RABGAP1: variants seen among roughly 807,000 people sequenced by gnomAD.
RABGAP1 encodes rab GTPase-activating protein 1.
RABGAP1 carries 23 observed loss-of-function variants against 137.6 expected under a neutral mutation model. That is an observed-to-expected ratio of 0.17 (90% CI 0.12 to 0.24). The LOEUF is 0.24. RABGAP1 is among the 10% of genes least tolerant of loss of function. RABGAP1 has a pLI of 1.00. For missense variants in RABGAP1, 906 were observed against 1,275.8 expected, an observed-to-expected ratio of 0.71 and a Z score of 4.42; for synonymous variants, 451 against 450.7, an observed-to-expected ratio of 1.00 and a Z score of -0.01.
In RABGAP1 at chr9:122,941,053, A is replaced by G. The variant is rs1833517819; in HGVS notation, c.-90A>G. ...AGGCCCAGGCGGCGGAGCCTCCGGG[A>G]CGGCGAGCGGCGGGCGGCGGAGGAG... On this transcript the variant is annotated 5_prime_UTR_variant, in exon 1 of 26. Coordinates refer to ENST00000373647, the MANE Select transcript of RABGAP1 (RefSeq NM_012197.4). 6.5e-6 allele frequency: 1 copy of G among 153,084 alleles called. No homozygotes were observed. The highest frequency in any genetic ancestry group is 2.4e-5 in the African/African-American group (1 of 41,380). 9.5% of individuals were successfully genotyped at this position (153,084 alleles called of 1,614,324 possible). A position where few individuals can be genotyped will look rare whatever the true frequency, so the allele number is the denominator to read the frequency against.
intron 24 of RABGAP1, among the ~76,000 whole-genome samples, chr9:123,100,437 G>A (rs930525132): frequency 7.8e-6 from 1 of 128,786 alleles, no homozygotes; most frequent in African/African-American, 2.8e-5. Context: ...GTGTGTGTGT[G>A]TTTGAGACAG....
chr9:123,026,732 A>G (rs1467285921), intron 13 of RABGAP1, among the ~76,000 whole-genome samples: 4 of 152,194 alleles, frequency 2.6e-5, no homozygotes, highest in African/African-American at 9.7e-5. Flanking sequence ...GTTGGAGTTG[A>G]AAATGAAGGG....
intron 24 of RABGAP1, among the ~76,000 whole-genome samples, chr9:123,101,122 C>T (rs2035332909): frequency 6.6e-6 from 1 of 152,122 alleles, no homozygotes; most frequent in Non-Finnish European, 1.5e-5. Context: ...CTATTTCAAC[C>T]AGCATGCATC....
chr9:123,064,800 A>G (rs1034063308), intron 13 of RABGAP1, among the ~76,000 whole-genome samples: 1 of 152,258 alleles, frequency 6.6e-6, no homozygotes, highest in Non-Finnish European at 1.5e-5. Flanking sequence ...ATATTTTCCC[A>G]TAGCCTGTTT....
Position 122,948,213 on chromosome 9 carries a change from T to G in RABGAP1, c.-50+7120T>G, listed in dbSNP as rs73664159. On this transcript the variant is annotated intron_variant, in intron 1 of 25. Transcript: ENST00000373647. ...CAGACTTGATTCTTTTGTTGCATCC[T>G]GTCTTGTTCTTTTTCTAAACAGAGA... is the stretch of plus-strand genomic sequence containing the variant. 5.1e-3 allele frequency among the ~76,000 whole-genome samples: 775 copies of G among 152,322 alleles called. 5 individuals are homozygous for G. The highest frequency in any genetic ancestry group is 0.018 in the African/African-American group (734 of 41,566).
chr9:123,052,657 C>T (rs1253750043), intron 13 of RABGAP1, among the ~76,000 whole-genome samples: 3 of 152,098 alleles, frequency 2.0e-5, no homozygotes, highest in East Asian at 3.9e-4. Context: ...AGGCTGGGTG[C>T]GGTGGCCCAC....
chr9:123,029,272 C>T (rs968089528), intron 13 of RABGAP1: 3 of 514,460 alleles, frequency 5.8e-6, no homozygotes, highest in Admixed American at 6.3e-5. Context: ...AAACTCACAT[C>T]AGCTGCACTA....
intron 19 of RABGAP1, among the ~76,000 whole-genome samples, chr9:123,079,715 G>T (rs1457353859): frequency 6.6e-6 from 1 of 152,034 alleles, no homozygotes; most frequent in Non-Finnish European, 1.5e-5. Flanking sequence ...GCACTGGTCA[G>T]TCTCTCTGCT....
At chr9:122,974,519 G>T (rs1353384302) in intron 2 of RABGAP1, among the ~76,000 whole-genome samples, 1 of 149,168 alleles carries the variant, frequency 6.7e-6, no homozygotes, top group Non-Finnish European at 1.5e-5. Context: ...GCCATGTGCA[G>T]TGGCTCATGC....
At chr9:123,021,401 G>A (rs1007795464) in intron 13 of RABGAP1, among the ~76,000 whole-genome samples, 1 of 134,900 alleles carries the variant, frequency 7.4e-6, no homozygotes, top group Non-Finnish European at 1.5e-5. Flanking sequence ...TAGGCTCACC[G>A]CAACCTCTGC....
intron 13 of RABGAP1, among the ~76,000 whole-genome samples, chr9:123,057,635 A>G (rs1661423346): frequency 1.3e-5 from 2 of 152,118 alleles, no homozygotes; most frequent in Non-Finnish European, 2.9e-5. Flanking sequence ...GACGCTCCTC[A>G]CTTCCCAGAC....
chr9:123,056,850 C>G (rs1480072375), intron 13 of RABGAP1, among the ~76,000 whole-genome samples: 1 of 152,214 alleles, frequency 6.6e-6, no homozygotes, highest in Non-Finnish European at 1.5e-5. Flanking sequence ...TAGTACAGAA[C>G]AAAATGAAAA....
chr9:123,071,652 G>T (rs2034359652), intron 15 of RABGAP1, among the ~76,000 whole-genome samples: 1 of 152,232 alleles, frequency 6.6e-6, no homozygotes, highest in South Asian at 2.1e-4. Flanking sequence ...TGTAACAAGG[G>T]AGTCTTACTT....
chr9:123,080,973 C>T (rs1467187440), intron 19 of RABGAP1, among the ~76,000 whole-genome samples: 1 of 152,108 alleles, frequency 6.6e-6, no homozygotes, highest in African/African-American at 2.4e-5. Flanking sequence ...CTACCTCTGC[C>T]TCCTCCACTT....
intron 21 of RABGAP1, among the ~76,000 whole-genome samples, chr9:123,090,875 A>G (rs2035012799): frequency 6.6e-6 from 1 of 152,152 alleles, no homozygotes; most frequent in Non-Finnish European, 1.5e-5. Context: ...AATCTTAACA[A>G]TTTTGGAATG....
chr9:122,985,839 T>G (rs1388692739), intron 3 of RABGAP1, among the ~76,000 whole-genome samples: 3 of 152,134 alleles, frequency 2.0e-5, no homozygotes, highest in Admixed American at 2.0e-4. Flanking sequence ...ATTTCAGATG[T>G]TTTTGGATTT....
intron 13 of RABGAP1, among the ~76,000 whole-genome samples, chr9:123,039,464 C>A (rs1379302866): frequency 6.6e-6 from 1 of 152,122 alleles, no homozygotes; most frequent in Admixed American, 6.5e-5. Context: ...GTAGTCACAC[C>A]AGCCTTCTCC....
chr9:123,078,906 T>C (rs954457780), intron 19 of RABGAP1, among the ~76,000 whole-genome samples: 1 of 152,192 alleles, frequency 6.6e-6, no homozygotes, highest in Non-Finnish European at 1.5e-5. Context: ...CTCTATCGCA[T>C]GTCTCCTTTG....
At chr9:122,984,866 A>G (rs1836284233) in intron 3 of RABGAP1, 147 bp downstream of exon 3, 2 of 706,618 alleles carry the variant, frequency 2.8e-6, no homozygotes, top group Non-Finnish European at 4.6e-6. Context: ...TGAATTCTAA[A>G]TCTAAGGGGA....
Sources: allele counts gnomAD v4.1 joint callset (sites outside exome capture counted in the v4.1 genomes callset), GRCh38; gene constraint gnomAD v4.1.1; transcripts MANE v1.5; gene names NCBI Gene and HGNC (gene_info 2026-07-23, HGNC 2026-07-21).